The following GALNTL6 variants were observed in gnomAD, a reference collection of about 807,000 sequenced individuals.
The protein encoded by GALNTL6 is polypeptide N-acetylgalactosaminyltransferase-like 6.
In GALNTL6, 46 loss-of-function variants were observed where a neutral mutation model predicts 73.7. That is an observed-to-expected ratio of 0.62 (90% CI 0.49 to 0.80). The LOEUF (loss-of-function observed/expected upper bound fraction) is 0.80, where lower values mean the gene tolerates loss of function less well. GALNTL6 is among the 30% of genes least tolerant of loss of function. The pLI is 0.00. For synonymous variants in GALNTL6, 259 were observed against 263.7 expected, an observed-to-expected ratio of 0.98 and a Z score of 0.17; for missense variants, 604 against 755.0, an observed-to-expected ratio of 0.80 and a Z score of 2.34.
intron 2 of GALNTL6, among the ~76,000 whole-genome samples, chr4:172,206,331 A>T (rs2110913565): frequency 6.6e-6 from 1 of 152,324 alleles, no homozygotes; most frequent in South Asian, 2.1e-4. Context: ...ATCATGAAAC[A>T]TAAAGAAAAA....
intron 7 of GALNTL6, among the ~76,000 whole-genome samples, chr4:172,837,604 G>C (rs922317099): frequency 1.3e-5 from 2 of 152,100 alleles, no homozygotes; most frequent in Non-Finnish European, 2.9e-5. Flanking sequence ...AGAATAAGAG[G>C]GGAGAAAGCC....
chr4:172,159,182 A>G (rs1734377245), intron 2 of GALNTL6, among the ~76,000 whole-genome samples: 1 of 152,148 alleles, frequency 6.6e-6, no homozygotes, highest in Non-Finnish European at 1.5e-5. Flanking sequence ...CAAACAGAGC[A>G]TATACTGGAA....
chr4:172,608,759 G>T (rs867627360), intron 5 of GALNTL6, among the ~76,000 whole-genome samples: 11 of 151,844 alleles, frequency 7.2e-5, no homozygotes, highest in Non-Finnish European at 1.5e-4. Context: ...TACTGATTTA[G>T]CATGGAATAT....
intron 5 of GALNTL6, among the ~76,000 whole-genome samples, chr4:172,543,713 T>C (rs1735655966): frequency 6.6e-6 from 1 of 152,180 alleles, no homozygotes; most frequent in African/African-American, 2.4e-5. Flanking sequence ...AAGTGAACTG[T>C]TTTTCATCTG....
At chr4:172,791,383 C>A (rs935944178) in intron 5 of GALNTL6, among the ~76,000 whole-genome samples, 1 of 152,128 alleles carries the variant, frequency 6.6e-6, no homozygotes, top group Non-Finnish European at 1.5e-5. Context: ...ATAGAACAAC[C>A]AGTACATTGA....
chr4:172,635,054 C>G (rs1213452145), intron 5 of GALNTL6, among the ~76,000 whole-genome samples: 1 of 152,156 alleles, frequency 6.6e-6, no homozygotes, highest in Admixed American at 6.5e-5. Context: ...GCAAACTACT[C>G]AAAGTCATAA....
At chr4:171,996,179 T>C (rs2110748190) in intron 2 of GALNTL6, among the ~76,000 whole-genome samples, 1 of 152,258 alleles carries the variant, frequency 6.6e-6, no homozygotes. Context: ...TTAGGAAATA[T>C]GATGATATTT....
At chr4:172,546,807 C>CGTATATATATGT (rs1413344917) in intron 5 of GALNTL6, among the ~76,000 whole-genome samples, 2 of 13,600 alleles carry the variant, frequency 1.5e-4, no homozygotes, top group Non-Finnish European at 3.5e-4. Flanking sequence ...CGTATATATA[C>CGTATATATATGT]GTATATATAT....
chr4:172,356,682 A>G (rs1742174031), intron 5 of GALNTL6, among the ~76,000 whole-genome samples: 2 of 152,206 alleles, frequency 1.3e-5, no homozygotes, highest in Non-Finnish European at 2.9e-5. Flanking sequence ...TATTAGAATA[A>G]TAGGATCTTT....
At chr4:172,760,381 T>C (rs1245027966) in intron 5 of GALNTL6, among the ~76,000 whole-genome samples, 2 of 152,188 alleles carry the variant, frequency 1.3e-5, no homozygotes, top group Non-Finnish European at 2.9e-5. Flanking sequence ...AGTAAAAGTC[T>C]TGGGTTGGAG....
intron 5 of GALNTL6, among the ~76,000 whole-genome samples, chr4:172,658,488 AAAAG>A (rs1386763003): frequency 6.6e-6 from 1 of 151,850 alleles, no homozygotes; most frequent in Non-Finnish European, 1.5e-5. Flanking sequence ...AAAAGAAAGA[AAAAG>A]AAAAAAAAAA....
At chr4:172,040,941 G>A (rs1742071709) in intron 2 of GALNTL6, among the ~76,000 whole-genome samples, 1 of 152,038 alleles carries the variant, frequency 6.6e-6, no homozygotes, top group Admixed American at 6.6e-5. Flanking sequence ...TTAATTGGTT[G>A]AGTGTTATTA....
chr4:171,977,255 G>A (rs1421292535), intron 2 of GALNTL6, among the ~76,000 whole-genome samples: 2 of 152,164 alleles, frequency 1.3e-5, no homozygotes, highest in East Asian at 3.8e-4. Context: ...GAAAAGAACA[G>A]TTAATGATGT....
intron 2 of GALNTL6, among the ~76,000 whole-genome samples, chr4:172,220,876 G>A (rs1736648700): frequency 6.6e-6 from 1 of 151,870 alleles, no homozygotes; most frequent in East Asian, 1.9e-4. Flanking sequence ...GTGCACATGC[G>A]GCTGATGCAA....
chr4:171,845,805 C>G (rs1278233449), intron 2 of GALNTL6, among the ~76,000 whole-genome samples: 1 of 152,166 alleles, frequency 6.6e-6, no homozygotes, highest in East Asian at 1.9e-4. Context: ...ATTCATTAAA[C>G]CACTAGCATT....
chr4:172,744,327 C>T (rs28655935), intron 5 of GALNTL6, among the ~76,000 whole-genome samples: 54,541 of 151,918 alleles, frequency 0.36, 10,842 homozygotes, highest in African/African-American at 0.52. Context: ...AAGTGCTTAG[C>T]TATCATAACA....
intron 4 of GALNTL6, among the ~76,000 whole-genome samples, chr4:172,320,651 A>G (rs373834199): frequency 1.2e-4 from 18 of 152,210 alleles, no homozygotes; most frequent in African/African-American, 4.1e-4. Flanking sequence ...AGAGACTTCA[A>G]AAACTAACCC....
At chr4:171,908,788 T>C (rs1192685730) in intron 2 of GALNTL6, among the ~76,000 whole-genome samples, 6 of 150,970 alleles carry the variant, frequency 4.0e-5, no homozygotes, top group Non-Finnish European at 8.8e-5. Flanking sequence ...ATGTGGCACA[T>C]ATACACCATG....
At chr4:172,268,662 C>A (rs536459831) in intron 3 of GALNTL6, among the ~76,000 whole-genome samples, 1 of 152,206 alleles carries the variant, frequency 6.6e-6, no homozygotes, top group Admixed American at 6.5e-5. Context: ...GCCCTAACAC[C>A]CAGTGTGAAG....
Sources: gnomAD v4.1 joint callset for allele counts (sites outside exome capture counted in the v4.1 genomes callset) on GRCh38, gnomAD v4.1.1 for gene constraint, MANE v1.5 for transcripts, NCBI Gene and HGNC (gene_info 2026-07-23, HGNC 2026-07-21) for gene names.